The following AMIGO3 variants were observed in gnomAD, a reference collection of about 807,000 sequenced individuals.
AMIGO3 encodes amphoterin-induced protein 3.
A neutral mutation model predicts 4.3 loss-of-function variants in AMIGO3; 6 were observed. The observed-to-expected ratio is 1.39, with a 90% CI of 0.76 to 2.75. AMIGO3 has a LOEUF of 2.75. AMIGO3 is among the 30% of genes most tolerant of loss of function. The probability of loss-of-function intolerance (pLI) is 0.00; values close to 1 mark genes in which losing one functional copy is unlikely to be tolerated. For synonymous variants in AMIGO3, 315 were observed against 320.0 expected, an observed-to-expected ratio of 0.98 and a Z score of 0.17; for missense variants, 771 against 692.1, an observed-to-expected ratio of 1.11 and a Z score of -1.28.
chr3:49,719,346 G>A lies in AMIGO3; in HGVS notation c.120C>T (p.Cys40=). The A allele has an allele frequency of 6.8e-6, 11 of 1,613,442 alleles. No homozygotes were observed. The highest frequency in any genetic ancestry group is 9.3e-6 in the Non-Finnish European group (11 of 1,180,042). The change falls in exon 1 of 1, where the codon TGC becomes TGT. Residue 40 remains cysteine, a synonymous_variant. Transcript: ENST00000320431. ...ALHNCPYKCI[C]AADLLSCTGL... The stretch of plus-strand genomic sequence containing the variant: ...CAGTGCAGCTTAGCAGGTCGGCAGC[G>A]CAGATACATTTGTAGGGGCAGTTGT...
In AMIGO3 at chr3:49,717,830, C is replaced by G. The variant is rs1217679459; in HGVS notation, c.*121G>C. The G allele has an allele frequency of 2.7e-6, 3 of 1,113,902 alleles. No homozygotes were observed. In the African/African-American group the frequency reaches 4.7e-5, roughly 17 times the overall value. 69.0% of individuals were successfully genotyped at this position (1,113,902 alleles called of 1,614,324 possible). ...GGCCCATTGTGTTTCGAGGCCCATA[C>G]AGGAAGCTGGGGGGCCAGGCACAGT... On this transcript the variant is annotated 3_prime_UTR_variant, in exon 1 of 1. Coordinates refer to ENST00000320431, the MANE Select transcript of AMIGO3 (RefSeq NM_198722.3).
In AMIGO3 at chr3:49,718,051, A is replaced by G. The variant is rs1351862549; in HGVS notation, c.1415T>C (p.Val472Ala). Reference protein sequence around the residue: ...RGLNGRVQLAVAEEFDLYNPG... With the variant: ...RGLNGRVQLAAAEEFDLYNPG... ...GTTGTAGAGATCGAATTCCTCAGCT[A>G]CTGCCAGCTGCACGCGGCCATTGAG... is the stretch of plus-strand genomic sequence containing the variant. The change falls in exon 1 of 1, where the codon GTA becomes GCA. Residue 472 changes from valine to alanine, a missense_variant. Transcript: ENST00000320431. 3 of 1,613,524 alleles carry G rather than the reference A, an allele frequency of 1.9e-6. No homozygotes were observed. Among genetic ancestry groups the G allele is most frequent in the East Asian group, 2.2e-5 (1 of 44,894 alleles).
chr3:49,719,129 G>C lies in AMIGO3; in HGVS notation c.337C>G (p.Leu113Val), dbSNP rs1328744988. The C allele has an allele frequency of 3.1e-6, 5 of 1,613,488 alleles. No homozygotes were observed. Among genetic ancestry groups the C allele is most frequent in the Non-Finnish European group, 4.2e-6 (5 of 1,180,020 alleles). ...GVFVNASGLRLLDLSSNTLRA... is the reference protein window; with the variant it reads ...GVFVNASGLRVLDLSSNTLRA... ...AACGTGTTAGATGATAGATCGAGCAGCCTCAGGCCGCTGGCGTTGACGAAG... is the reference window on the plus strand; with the variant it reads ...AACGTGTTAGATGATAGATCGAGCACCCTCAGGCCGCTGGCGTTGACGAAG... Residue 113 changes from leucine (L) to valine (V), a missense_variant, in exon 1 of 1, where the codon CTG becomes GTG. Leu to Val is a conservative substitution (Grantham distance 32). Transcript: ENST00000320431.
chr3:49,718,954 G>A lies in AMIGO3; in HGVS notation c.512C>T (p.Ser171Leu). ...HLYLGCNELA[S>L]FSFDHLHGLS... is the part of the protein sequence containing the mutation. The stretch of plus-strand genomic sequence containing the variant: ...ACCGTGCAGGTGGTCGAAGGAGAAC[G>A]AGGCGAGTTCGTTGCAGCCCAGGTA... The change falls in exon 1 of 1, where the codon TCG (serine) becomes TTG (leucine). Residue 171 changes from serine to leucine, a missense_variant. Physicochemically the swap from Ser to Leu is moderately radical, Grantham distance 145. Coordinates refer to ENST00000320431, the MANE Select transcript of AMIGO3 (RefSeq NM_198722.3). 1 of 1,613,812 alleles carries A rather than the reference G, an allele frequency of 6.2e-7. No individual in the cohort carries two copies. The highest frequency in any genetic ancestry group is 8.5e-7 in the Non-Finnish European group (1 of 1,180,042).
chr3:49,717,894 AG>A lies in AMIGO3; in HGVS notation c.*56del. 2 of 1,536,842 alleles carry A rather than the reference AG, an allele frequency of 1.3e-6. No homozygotes were observed. The highest frequency in any genetic ancestry group is 1.8e-6 in the Non-Finnish European group (2 of 1,141,064). ...ATCTGCCAGTTCTCTGGACCGAAGC[AG>A]GGAGCAGGGCGAGCAGCAAGAGGGT... On this transcript the variant is annotated 3_prime_UTR_variant, in exon 1 of 1. Coordinates refer to ENST00000320431, the MANE Select transcript of AMIGO3 (RefSeq NM_198722.3).
At position 49,718,171 on chromosome 3, in the gene AMIGO3, T is replaced by C. The variant is rs1376965028; in HGVS notation, c.1295A>G (p.Gln432Arg). The change falls in exon 1 of 1, where the codon CAG (glutamine) becomes CGG (arginine). Residue 432 changes from glutamine to arginine, a missense_variant. Transcript: ENST00000320431. Reference protein sequence around the residue: ...TPSPLQELSAQSSVLSTTPPD... With the variant: ...TPSPLQELSARSSVLSTTPPD... ...CGGTGTGGTGCTGAGTACTGAGGACTGTGCGCTCAGCTCTTGGAGCGGGCT... is the reference window on the plus strand; with the variant it reads ...CGGTGTGGTGCTGAGTACTGAGGACCGTGCGCTCAGCTCTTGGAGCGGGCT... 1 of 1,613,060 alleles carries C rather than the reference T, an allele frequency of 6.2e-7. No homozygotes were observed. The highest frequency in any genetic ancestry group is 1.3e-5 in the African/African-American group (1 of 74,934).
Position 49,717,470 on chromosome 3 carries a change from C to T in AMIGO3, c.*481G>A, listed in dbSNP as rs2080270795. On this transcript the variant is annotated 3_prime_UTR_variant, in exon 1 of 1. Coordinates refer to ENST00000320431, the MANE Select transcript of AMIGO3 (RefSeq NM_198722.3). ...CCTTCTTTTCCCTGTGGGCCCACTCCCTCCCACCCCCTTGGGAAGGGGAGG... is the reference window on the plus strand; with the variant it reads ...CCTTCTTTTCCCTGTGGGCCCACTCTCTCCCACCCCCTTGGGAAGGGGAGG... 2 of 171,618 alleles carry T rather than the reference C, an allele frequency of 1.2e-5. No individual in the cohort carries two copies. The highest frequency in any genetic ancestry group is 4.8e-5 in the African/African-American group (2 of 41,546). The allele number at this position is 171,618 out of a possible 1,614,324, so 10.6% of individuals were successfully genotyped here. A position where few individuals can be genotyped will look rare whatever the true frequency, so the allele number is the denominator to read the frequency against.
Position 49,718,214 on chromosome 3 carries a change from GGCGGCAGCGGCAGGCACGGCGGCAGCA to G in AMIGO3, c.1225_1251del (p.Cys409_Arg417del). The stretch of plus-strand genomic sequence containing the variant: ...AGCGGGCTGGGTGTTTGGGGCCAGC[GGCGGCAGCGGCAGGCACGGCGGCAGCA>G]GCGGCAGGGTGGGGCGAACAGGTAG... On this transcript the variant is annotated inframe_deletion, in exon 1 of 1. Coordinates refer to ENST00000320431, the MANE Select transcript of AMIGO3 (RefSeq NM_198722.3). The G allele has an allele frequency of 6.2e-7, 1 of 1,610,754 alleles. No individual in the cohort carries two copies.
rs1358420142 is a variant in AMIGO3, at chr3:49,717,089, C to A, written c.*862G>T. 6.5e-6 allele frequency: 1 copy of A among 152,998 alleles called. No homozygotes were observed. The highest frequency in any genetic ancestry group is 1.5e-5 in the Non-Finnish European group (1 of 68,666). 9.5% of individuals were successfully genotyped at this position (152,998 alleles called of 1,614,324 possible). A position where few individuals can be genotyped will look rare whatever the true frequency, so the allele number is the denominator to read the frequency against. ...ACGTGGAGTTCCGGCTCGGCCCTCC[C>A]AGCTCGGCCATGCTCGCCAGGCTTT... is the stretch of plus-strand genomic sequence containing the variant. On this transcript the variant is annotated 3_prime_UTR_variant, in exon 1 of 1. Transcript: ENST00000320431.
rs868789247 is a variant in AMIGO3 at position 49,718,544 on chromosome 3, G to T, written c.922C>A (p.Arg308Ser). The T allele has an allele frequency of 5.6e-6, 9 of 1,613,022 alleles. No homozygotes were observed. Among genetic ancestry groups the T allele is most frequent in the African/African-American group, 2.7e-5 (2 of 74,940 alleles). ...LYCNTSVPAM[R>S]IAWVSPQQEL... The stretch of plus-strand genomic sequence containing the variant: ...TGCTGCGGCGAAACCCAGGCAATGC[G>T]CATGGCCGGGACGCTGGTGTTGCAG... Residue 308 changes from arginine (R) to serine (S), a missense_variant, in exon 1 of 1, where the codon CGC (arginine) becomes AGC (serine). Transcript: ENST00000320431.
chr3:49,718,756 C>G lies in AMIGO3; in HGVS notation c.710G>C (p.Arg237Pro). The part of the protein sequence containing the change: ...LYHLLQRWHQ[R>P]GLSAVRDFAR... ...AAAGTCGCGCACGGCGCTCAGGCCC[C>G]GCTGGTGCCAGCGCTGTAGCAGGTG... The change falls in exon 1 of 1, where the codon CGG (arginine) becomes CCG (proline). Residue 237 changes from arginine (R) to proline (P), a missense_variant. Transcript: ENST00000320431. 1 of 1,613,212 alleles carries G rather than the reference C, an allele frequency of 6.2e-7. No individual in the cohort carries two copies. Among genetic ancestry groups the G allele is most frequent in the Non-Finnish European group, 8.5e-7 (1 of 1,180,018 alleles).
rs1575286010 is a variant in AMIGO3, at chr3:49,718,936, A to G, written c.530T>C (p.Leu177Pro). Residue 177 changes from leucine to proline, a missense_variant, in exon 1 of 1, where the codon CTG (leucine) becomes CCG (proline). Physicochemically the swap from Leu to Pro is moderately conservative, Grantham distance 98. Transcript: ENST00000320431. ...NELASFSFDH[L>P]HGLSATHLLT... ...CAGGTGGGTGGCGCTCAGACCGTGCAGGTGGTCGAAGGAGAACGAGGCGAG... is the reference window on the plus strand; with the variant it reads ...CAGGTGGGTGGCGCTCAGACCGTGCGGGTGGTCGAAGGAGAACGAGGCGAG... 6.2e-7 allele frequency: 1 copy of G among 1,613,632 alleles called. No individual in the cohort carries two copies. The highest frequency in any genetic ancestry group is 1.1e-5 in the South Asian group (1 of 91,096).
Position 49,717,933 on chromosome 3 carries a change from G to A in AMIGO3, c.*18C>T, listed in dbSNP as rs377076534. 8.0e-5 allele frequency: 128 copies of A among 1,600,316 alleles called. No homozygotes were observed. The highest frequency in any genetic ancestry group is 9.3e-5 in the Non-Finnish European group (109 of 1,173,358). On this transcript the variant is annotated 3_prime_UTR_variant, in exon 1 of 1. Transcript: ENST00000320431. ...GCAGCAAGAGGGTGGGGGCCTGGGTGGGGGAGCCCTGGGCAGTCTAGGTTG... is the reference window on the plus strand; with the variant it reads ...GCAGCAAGAGGGTGGGGGCCTGGGTAGGGGAGCCCTGGGCAGTCTAGGTTG...
rs767589734 is a variant in AMIGO3, at chr3:49,719,065, G to C, written c.401C>G (p.Ala134Gly). 6.2e-7 allele frequency: 1 copy of C among 1,613,778 alleles called. No individual in the cohort carries two copies. The highest frequency in any genetic ancestry group is 8.5e-7 in the Non-Finnish European group (1 of 1,180,026). The change falls in exon 1 of 1, where the codon GCG becomes GGG. Residue 134 changes from alanine to glycine, a missense_variant. Coordinates refer to ENST00000320431, the MANE Select transcript of AMIGO3 (RefSeq NM_198722.3). ...LGRHDLDGLGALEKLLLFNNR... is the reference protein window; with the variant it reads ...LGRHDLDGLGGLEKLLLFNNR... ...ATTGAACAGAAGCAGCTTCTCCAGCGCCCCCAGCCCGTCGAGGTCGTGGCG... is the reference window on the plus strand; with the variant it reads ...ATTGAACAGAAGCAGCTTCTCCAGCCCCCCCAGCCCGTCGAGGTCGTGGCG...
In AMIGO3 at chr3:49,718,459, C is replaced by T. The variant is rs2080301666; in HGVS notation, c.1007G>A (p.Ser336Asn). ...CTCCTGTACGTTGCCTATGGCCAAGCTGCCGTCGGCCAGCACCGCGATGCT... is the reference window on the plus strand; with the variant it reads ...CTCCTGTACGTTGCCTATGGCCAAGTTGCCGTCGGCCAGCACCGCGATGCT... ...DGSIAVLADG[S>N]LAIGNVQEQH... Residue 336 changes from serine (S) to asparagine (N), a missense_variant, in exon 1 of 1, where the codon AGC becomes AAC. Transcript: ENST00000320431. The T allele has an allele frequency of 2.5e-6, 4 of 1,612,898 alleles. No homozygotes were observed. Among genetic ancestry groups the T allele is most frequent in the Non-Finnish European group, 3.4e-6 (4 of 1,179,930 alleles).
chr3:49,719,117 A>AT lies in AMIGO3; in HGVS notation c.348dup (p.Ser117IlefsTer3), dbSNP rs1401784031. The AT allele has an allele frequency of 2.5e-6, 4 of 1,613,572 alleles. No homozygotes were observed. The highest frequency in any genetic ancestry group is 3.4e-6 in the Non-Finnish European group (4 of 1,180,012). On this transcript the variant is annotated frameshift_variant, in exon 1 of 1. Transcript: ENST00000320431. LOFTEE classifies it low-confidence loss of function (END_TRUNC). ...CCAAGCGCCCGCAACGTGTTAGATG[A>AT]TAGATCGAGCAGCCTCAGGCCGCTG...
In AMIGO3 at chr3:49,718,379, G is replaced by A; in HGVS notation, c.1087C>T (p.Gln363Ter). Residue 363 changes from glutamine to a stop codon, truncating the protein, a stop_gained, in exon 1 of 1, where the codon CAG (glutamine) becomes TAG (stop). Transcript: ENST00000320431. LOFTEE classifies it high-confidence loss of function. ...LATGPRLHHN[Q>*]THEYNVSVHF... ...ACGCTCACGTTGTACTCGTGCGTCTGGTTGTGGTGCAGGCGGGGCCCAGTG... is the reference window on the plus strand; with the variant it reads ...ACGCTCACGTTGTACTCGTGCGTCTAGTTGTGGTGCAGGCGGGGCCCAGTG... The A allele has an allele frequency of 6.2e-7, 1 of 1,613,382 alleles. No individual in the cohort carries two copies. The highest frequency in any genetic ancestry group is 8.5e-7 in the Non-Finnish European group (1 of 1,179,952).
Position 49,719,012 on chromosome 3 carries a change from C to A in AMIGO3, c.454G>T (p.Ala152Ser), listed in dbSNP as rs771566546. 4.3e-6 allele frequency: 7 copies of A among 1,613,880 alleles called. No individual in the cohort carries two copies. The East Asian group carries it at 1.6e-4, about 36-fold the overall frequency. The change falls in exon 1 of 1, where the codon GCC (alanine) becomes TCC (serine). Residue 152 changes from alanine to serine, a missense_variant. Transcript: ENST00000320431. ...CTGAGCGCGCGCAGGCCGTGGAAGG[C>A]ATGCTCGTCCAAGTGCACCAAGCGG... ...NNRLVHLDEHAFHGLRALSHL... is the reference protein window; with the variant it reads ...NNRLVHLDEHSFHGLRALSHL...
chr3:49,719,633 G>C lies in AMIGO3; in HGVS notation c.-168C>G. 1.6e-6 allele frequency: 1 copy of C among 618,520 alleles called. No individual in the cohort carries two copies. The highest frequency in any genetic ancestry group is 2.9e-6 in the Non-Finnish European group (1 of 350,502). The allele number at this position is 618,520 out of a possible 1,614,324, so 38.3% of individuals were successfully genotyped here. A position where few individuals can be genotyped will look rare whatever the true frequency, so the allele number is the denominator to read the frequency against. Reference sequence around the variant, plus strand: ...CCCTACTCTCCGGTTCCCAGGTTGTGAGGCGGTGCGGCACTCTTAGCCGCG... The same window carrying C: ...CCCTACTCTCCGGTTCCCAGGTTGTCAGGCGGTGCGGCACTCTTAGCCGCG... On this transcript the variant is annotated 5_prime_UTR_variant, in exon 1 of 1. Transcript: ENST00000320431.
Sources: gnomAD v4.1 joint callset for allele counts on GRCh38, gnomAD v4.1.1 for gene constraint, MANE v1.5 for transcripts, NCBI Gene and HGNC (gene_info 2026-07-23, HGNC 2026-07-21) for gene names.